Variants in RABGAP1L observed in about 807,000 individuals in gnomAD.
The protein encoded by RABGAP1L is rab GTPase-activating protein 1-like.
In RABGAP1L, 63 loss-of-function variants were observed where a neutral mutation model predicts 137.7. That is an observed-to-expected ratio of 0.46 (90% CI 0.37 to 0.56). The LOEUF (loss-of-function observed/expected upper bound fraction) is 0.56, where lower values mean the gene tolerates loss of function less well. Ranked by LOEUF, RABGAP1L falls within the 20% of genes least tolerant of loss-of-function variation. The pLI, the probability that RABGAP1L is intolerant of heterozygous loss-of-function variation, is 0.00. For missense variants in RABGAP1L, 1,095 were observed against 1,244.0 expected (o/e 0.88, Z 1.80); for synonymous variants, 431 against 433.7 (o/e 0.99, Z 0.08).
At chr1:174,368,772 T>C (rs1344986166) in intron 11 of RABGAP1L, among the ~76,000 whole-genome samples, 2 of 152,160 alleles carry the variant, frequency 1.3e-5, no homozygotes, top group Non-Finnish European at 2.9e-5. Flanking sequence ...AAATTATAGG[T>C]AGTCAGATTT....
intron 20 of RABGAP1L, among the ~76,000 whole-genome samples, chr1:174,967,025 C>T (rs1405190475): frequency 6.6e-6 from 1 of 151,994 alleles, no homozygotes; most frequent in Non-Finnish European, 1.5e-5. Flanking sequence ...ACAAGGACAA[C>T]AATAAAGAAA....
chr1:174,604,487 T>C (rs180849722), intron 13 of RABGAP1L, among the ~76,000 whole-genome samples: 150 of 152,324 alleles, frequency 9.8e-4, no homozygotes, highest in Admixed American at 2.8e-3. Flanking sequence ...TTCCTTGATA[T>C]GATGTTAAAA....
intron 11 of RABGAP1L, among the ~76,000 whole-genome samples, chr1:174,359,079 C>A (rs1280959358): frequency 6.6e-6 from 1 of 152,072 alleles, no homozygotes; most frequent in Non-Finnish European, 1.5e-5. Context: ...ATTTGTCCTC[C>A]CTATTTTTTT....
chr1:174,445,387 C>A (rs1472237651), intron 13 of RABGAP1L, among the ~76,000 whole-genome samples: 1 of 151,904 alleles, frequency 6.6e-6, no homozygotes, highest in East Asian at 1.9e-4. Context: ...GACCATTTGA[C>A]CTTTTTTTTC....
intron 13 of RABGAP1L, among the ~76,000 whole-genome samples, chr1:174,401,441 A>G (rs1479244898): frequency 2.0e-5 from 3 of 152,236 alleles, no homozygotes; most frequent in African/African-American, 4.8e-5. Context: ...GAGGAAAATT[A>G]TAAAGCAATA....
chr1:174,528,433 A>G (rs1389065066), intron 13 of RABGAP1L, among the ~76,000 whole-genome samples: 5 of 151,378 alleles, frequency 3.3e-5, no homozygotes, highest in Non-Finnish European at 1.5e-5. Flanking sequence ...TGTCTGGGAA[A>G]GACTACTTTT....
At chr1:174,543,577 A>G (rs1665693203) in intron 13 of RABGAP1L, among the ~76,000 whole-genome samples, 1 of 152,114 alleles carries the variant, frequency 6.6e-6, no homozygotes, top group Non-Finnish European at 1.5e-5. Flanking sequence ...TTTAATTGAA[A>G]CATTTAGCCC....
intron 12 of RABGAP1L, 91 bp from the exon 13 acceptor site, chr1:174,393,903 AC>A (rs1647487434): frequency 8.5e-6 from 12 of 1,408,112 alleles, no homozygotes; most frequent in African/African-American, 1.4e-5. Flanking sequence ...ACCCAAGCTT[AC>A]ACTTTTATAT....
chr1:174,716,026 A>G (rs762629213), intron 17 of RABGAP1L, among the ~76,000 whole-genome samples: 2 of 152,228 alleles, frequency 1.3e-5, no homozygotes, highest in African/African-American at 4.8e-5. Context: ...ATAACCTAAC[A>G]CATCCTTCCA....
intron 1 of RABGAP1L, among the ~76,000 whole-genome samples, chr1:174,211,809 C>G (rs1668912812): frequency 6.6e-6 from 1 of 151,800 alleles, no homozygotes; most frequent in Non-Finnish European, 1.5e-5. Context: ...CAATGGAAAC[C>G]AAAAAGGAGC....
At chr1:174,930,280 C>G (rs1440798281) in intron 19 of RABGAP1L, among the ~76,000 whole-genome samples, 5 of 151,956 alleles carry the variant, frequency 3.3e-5, no homozygotes, top group Non-Finnish European at 1.5e-5. Context: ...CTCAGCCTCT[C>G]AAGTAGCTGG....
chr1:174,820,541 G>C (rs1305507139), intron 19 of RABGAP1L, among the ~76,000 whole-genome samples: 1 of 152,118 alleles, frequency 6.6e-6, no homozygotes, highest in Admixed American at 6.6e-5. Flanking sequence ...CTAATTAATA[G>C]AAAAGAGAGT....
chr1:174,927,653 G>T (rs1006195390), intron 19 of RABGAP1L, among the ~76,000 whole-genome samples: 1 of 152,190 alleles, frequency 6.6e-6, no homozygotes, highest in Admixed American at 6.5e-5. Context: ...CTAGGTTCAA[G>T]CGATTTTCCT....
At chr1:174,497,869 G>T (rs1310061306) in intron 13 of RABGAP1L, among the ~76,000 whole-genome samples, 2 of 152,138 alleles carry the variant, frequency 1.3e-5, no homozygotes, top group East Asian at 1.9e-4. Context: ...CTCTATTAAT[G>T]TCAGGGAGTT....
intron 17 of RABGAP1L, among the ~76,000 whole-genome samples, chr1:174,718,361 G>T (rs1465871724): frequency 6.6e-6 from 1 of 152,084 alleles, no homozygotes; most frequent in Admixed American, 6.6e-5. Context: ...TCATCTGTTG[G>T]CATAACTTTG....
chr1:174,586,081 T>C (rs1321701650), intron 13 of RABGAP1L, among the ~76,000 whole-genome samples: 1 of 152,184 alleles, frequency 6.6e-6, no homozygotes, highest in Non-Finnish European at 1.5e-5. Flanking sequence ...ATGCGTATGT[T>C]CATTGCAGCA....
chr1:174,829,934 C>G (rs1442468908), intron 19 of RABGAP1L, among the ~76,000 whole-genome samples: 1 of 148,132 alleles, frequency 6.8e-6, no homozygotes, highest in East Asian at 2.1e-4. Flanking sequence ...TGCTGTATAA[C>G]AAACCATCCC....
At chr1:174,292,770 AATAAGATTTTC>A (rs1241639071) in intron 10 of RABGAP1L, among the ~76,000 whole-genome samples, 2 of 152,154 alleles carry the variant, frequency 1.3e-5, no homozygotes, top group African/African-American at 4.8e-5. Flanking sequence ...CAAGTTCTAT[AATAAGATTTTC>A]CTGTGATCTT....
intron 24 of RABGAP1L, among the ~76,000 whole-genome samples, chr1:174,983,352 A>C (rs1671297008): frequency 6.6e-6 from 1 of 152,208 alleles, no homozygotes; most frequent in African/African-American, 2.4e-5. Context: ...TGATTCTTGC[A>C]CTAAGTTTTT....
Sources: allele counts gnomAD v4.1 joint callset (sites outside exome capture counted in the v4.1 genomes callset), GRCh38; gene constraint gnomAD v4.1.1; transcripts MANE v1.5; gene names NCBI Gene and HGNC (gene_info 2026-07-23, HGNC 2026-07-21).